The following HSDL2 variants were observed in gnomAD, a reference collection of about 807,000 sequenced individuals.
HSDL2 encodes hydroxysteroid dehydrogenase-like protein 2.
HSDL2 carries 27 observed loss-of-function variants against 46.3 expected under a neutral mutation model. The observed-to-expected ratio is 0.58, with a 90% CI of 0.43 to 0.80. The LOEUF is 0.80. HSDL2 is among the 30% of genes least tolerant of loss of function. The pLI is 0.00. For synonymous variants in HSDL2, 153 were observed against 163.6 expected (o/e 0.94, Z 0.50); for missense variants, 451 against 502.7 (o/e 0.90, Z 0.98).
At chr9:112,423,397 A>G (rs1415592826) in intron 6 of HSDL2, among the ~76,000 whole-genome samples, 1 of 152,122 alleles carries the variant, frequency 6.6e-6, no homozygotes, top group Non-Finnish European at 1.5e-5. Context: ...GCTGGAGAGC[A>G]GTGGCATAAT....
chr9:112,401,458 A>G (rs911651248), intron 1 of HSDL2, among the ~76,000 whole-genome samples: 10 of 151,682 alleles, frequency 6.6e-5, no homozygotes, highest in Non-Finnish European at 1.2e-4. Flanking sequence ...AAAAAAAAAA[A>G]AAAAAAAAAA....
At chr9:112,382,421 AAG>A (rs1168470631) in intron 1 of HSDL2, among the ~76,000 whole-genome samples, 2 of 152,182 alleles carry the variant, frequency 1.3e-5, no homozygotes, top group African/African-American at 4.8e-5. Context: ...TTAGAGAAAA[AAG>A]TGTCACCTCA....
chr9:112,420,525 A>AC (rs1832095854), intron 6 of HSDL2, among the ~76,000 whole-genome samples: 1 of 150,982 alleles, frequency 6.6e-6, no homozygotes, highest in Non-Finnish European at 1.5e-5. Flanking sequence ...AAACACACAC[A>AC]AAAAAAACCT....
intron 6 of HSDL2, among the ~76,000 whole-genome samples, chr9:112,421,004 A>T (rs1009231741): frequency 6.6e-6 from 1 of 152,204 alleles, no homozygotes; most frequent in Non-Finnish European, 1.5e-5. Flanking sequence ...AAGAGAATGC[A>T]TAGTGGGAAC....
chr9:112,403,844 A>C (rs376073828), intron 1 of HSDL2, 151 bp from the exon 2 acceptor site: 1 of 670,116 alleles, frequency 1.5e-6, no homozygotes, highest in Non-Finnish European at 2.6e-6. Context: ...AGTATAGTGG[A>C]GTTATCTGCC....
chr9:112,441,176 G>C (rs1832629758), intron 7 of HSDL2, among the ~76,000 whole-genome samples: 1 of 152,016 alleles, frequency 6.6e-6, no homozygotes, highest in African/African-American at 2.4e-5. Flanking sequence ...CTCCAGCCTG[G>C]GTGACAGTGA....
At chr9:112,463,151 G>A (rs955466303) in intron 10 of HSDL2, among the ~76,000 whole-genome samples, 3 of 151,870 alleles carry the variant, frequency 2.0e-5, no homozygotes, top group African/African-American at 7.3e-5. Flanking sequence ...GGATATTGCT[G>A]CTATGAACAT....
At chr9:112,468,417 C>T (rs1833457956) in intron 10 of HSDL2, among the ~76,000 whole-genome samples, 2 of 152,080 alleles carry the variant, frequency 1.3e-5, no homozygotes, top group African/African-American at 4.8e-5. Context: ...TCTAGGAGAT[C>T]GACTCACCTT....
At chr9:112,414,531 G>A (rs1831947410) in intron 4 of HSDL2, among the ~76,000 whole-genome samples, 1 of 152,130 alleles carries the variant, frequency 6.6e-6, no homozygotes, top group Non-Finnish European at 1.5e-5. Flanking sequence ...ACCTGATGTA[G>A]GATTAGCAAT....
chr9:112,445,116 C>T (rs1832728020), intron 8 of HSDL2, among the ~76,000 whole-genome samples: 1 of 152,076 alleles, frequency 6.6e-6, no homozygotes, highest in African/African-American at 2.4e-5. Context: ...TGGCCTCAAA[C>T]AATCATCCTG....
intron 1 of HSDL2, among the ~76,000 whole-genome samples, chr9:112,387,306 G>A (rs961558692): frequency 6.6e-6 from 1 of 151,284 alleles, no homozygotes; most frequent in Non-Finnish European, 1.5e-5. Flanking sequence ...TGCAACCTCC[G>A]TGTCATGGGC....
intron 9 of HSDL2, among the ~76,000 whole-genome samples, chr9:112,457,959 C>A (rs536974646): frequency 6.6e-6 from 1 of 152,322 alleles, no homozygotes; most frequent in Admixed American, 6.5e-5. Flanking sequence ...GCAGGTAGGG[C>A]CATACGTAAA....
chr9:112,436,272 T>A (rs1175171989), intron 6 of HSDL2, among the ~76,000 whole-genome samples: 1 of 150,454 alleles, frequency 6.6e-6, no homozygotes, highest in Non-Finnish European at 1.5e-5. Context: ...AAAAAATTAT[T>A]CCTAGTAAAT....
intron 8 of HSDL2, among the ~76,000 whole-genome samples, chr9:112,449,369 G>A (rs941188828): frequency 6.6e-6 from 1 of 151,802 alleles, no homozygotes; most frequent in African/African-American, 2.4e-5. Flanking sequence ...TTACCAGCAT[G>A]AGCCACCACG....
intron 6 of HSDL2, among the ~76,000 whole-genome samples, chr9:112,437,334 T>G (rs530495859): frequency 6.6e-6 from 1 of 152,224 alleles, no homozygotes; most frequent in Non-Finnish European, 1.5e-5. Context: ...CAATATTTAT[T>G]GAGTGTTTTT....
At chr9:112,470,153 G>A (rs1220301916) in intron 10 of HSDL2, among the ~76,000 whole-genome samples, 1 of 152,148 alleles carries the variant, frequency 6.6e-6, no homozygotes, top group Non-Finnish European at 1.5e-5. Context: ...TGAGGGCCGT[G>A]TATCCTTTAG....
chr9:112,458,764 G>A (rs1169630808), intron 9 of HSDL2, among the ~76,000 whole-genome samples: 3 of 150,544 alleles, frequency 2.0e-5, no homozygotes, highest in Non-Finnish European at 2.9e-5. Flanking sequence ...GGCAGATCAC[G>A]AGGTCAGGAG....
At chr9:112,464,996 A>C (rs919719356) in intron 10 of HSDL2, among the ~76,000 whole-genome samples, 1 of 152,216 alleles carries the variant, frequency 6.6e-6, no homozygotes, top group East Asian at 1.9e-4. Flanking sequence ...TGAGTCATGT[A>C]ATATGTGATC....
intron 6 of HSDL2, among the ~76,000 whole-genome samples, chr9:112,426,198 T>C (rs1289279035): frequency 6.6e-6 from 1 of 151,900 alleles, no homozygotes; most frequent in Non-Finnish European, 1.5e-5. Context: ...TTTTAAGGTT[T>C]CTTTCCTACA....
Sources: gnomAD v4.1 joint callset for allele counts (sites outside exome capture counted in the v4.1 genomes callset) on GRCh38, gnomAD v4.1.1 for gene constraint, MANE v1.5 for transcripts, NCBI Gene and HGNC (gene_info 2026-07-23, HGNC 2026-07-21) for gene names.